PDZK1IP1: variants seen among roughly 807,000 people sequenced by gnomAD.
The protein encoded by PDZK1IP1 is PDZK1 interacting protein 1.
PDZK1IP1 carries 9 observed loss-of-function variants against 14.7 expected under a neutral mutation model. The ratio of observed to expected loss-of-function variants is 0.61; its 90% confidence interval spans 0.37 to 1.07. PDZK1IP1 has a LOEUF of 1.07. Ranked by LOEUF, PDZK1IP1 falls within the 50% of genes least tolerant of loss-of-function variation. The pLI, the probability that PDZK1IP1 is intolerant of heterozygous loss-of-function variation, is 0.01. For synonymous variants in PDZK1IP1, 70 were observed against 61.2 expected (o/e 1.14, Z -0.67); for missense variants, 152 against 148.7 (o/e 1.02, Z -0.11).
At position 47,189,879 on chromosome 1, in the gene PDZK1IP1, G is replaced by A. The variant is rs770205721; in HGVS notation, c.54C>T (p.Ala18=). 15 of 1,596,132 alleles carry A rather than the reference G, an allele frequency of 9.4e-6. No individual in the cohort carries two copies. Among genetic ancestry groups the A allele is most frequent in the Middle Eastern group, 1.7e-4 (1 of 5,888 alleles). The change falls in exon 1 of 4, where the codon GCC becomes GCT. Residue 18 remains alanine, a synonymous_variant. Transcript: ENST00000294338. ...CTCCTGAGCTACCTTGCTGACAGCT[G>A]GCAGGTGGCACTGCCGTGAGCAGGC... The part of the protein sequence containing the change: ...ILGLLTAVPP[A]SCQQGLGNLQ...
chr1:47,185,239 C>A, intron 2 of PDZK1IP1, 142 bp from the exon 3 acceptor site: 1 of 660,452 alleles, frequency 1.5e-6, no homozygotes, highest in South Asian at 1.8e-5. Context: ...ATGTCAGCCG[C>A]GGCTACTGGC....
At chr1:47,184,584 TA>T (rs1645307470) in intron 3 of PDZK1IP1, among the ~76,000 whole-genome samples, 1 of 17,166 alleles carries the variant, frequency 5.8e-5, no homozygotes, top group African/African-American at 2.1e-4. Context: ...ACTGAGTCCA[TA>T]CCCCACTGAG....
At chr1:47,184,627 G>GC (rs1645308027) in intron 3 of PDZK1IP1, among the ~76,000 whole-genome samples, 3 of 18,498 alleles carry the variant, frequency 1.6e-4, no homozygotes, top group African/African-American at 3.8e-4. Flanking sequence ...CCCCCACTGA[G>GC]TCCATACCCC....
In PDZK1IP1 at chr1:47,185,258, TG is replaced by T. The variant is rs1192151779; in HGVS notation, c.177-162del. The stretch of plus-strand genomic sequence containing the variant: ...CAGCCGCGGCTACTGGCCCCACCCA[TG>T]GGGTCTCTCACTTTCTCCCCACTCC... On this transcript the variant is annotated intron_variant, in intron 2 of 3. Transcript: ENST00000294338. The T allele has an allele frequency of 6.5e-6, 4 of 619,884 alleles. No individual in the cohort carries two copies. In the East Asian group the frequency reaches 1.1e-4, roughly 17 times the overall value. 38.4% of individuals were successfully genotyped at this position (619,884 alleles called of 1,614,324 possible). A position where few individuals can be genotyped will look rare whatever the true frequency, so the allele number is the denominator to read the frequency against.
chr1:47,189,177 C>A (rs1302388136), intron 1 of PDZK1IP1, among the ~76,000 whole-genome samples: 2 of 152,208 alleles, frequency 1.3e-5, no homozygotes, highest in Non-Finnish European at 2.9e-5. Context: ...CTGAAAGCAT[C>A]TTTGCCAGTC....
rs201145978 is a variant in PDZK1IP1 at position 47,185,096 on chromosome 1, C to T, written c.178G>A (p.Glu60Lys). 9.6e-5 allele frequency: 155 copies of T among 1,612,646 alleles called. 1 individual carries two copies. The highest frequency in any genetic ancestry group is 1.3e-4 in the Non-Finnish European group (149 of 1,179,580). ...VNHFWCQEEP[E>K]PAHMILTVGN... ...ACGGTCAGGATCATGTGTGCAGGCT[C>T]CCTGGGGATGGGATTCATCAGTGGG... The change falls in exon 3 of 4, where the codon GAG (glutamate) becomes AAG (lysine). Residue 60 changes from glutamate to lysine, a missense_variant and splice_region_variant. Physicochemically the swap from Glu to Lys is moderately conservative, Grantham distance 56 (BLOSUM62 1). Coordinates refer to ENST00000294338, the MANE Select transcript of PDZK1IP1 (RefSeq NM_005764.4).
At chr1:47,186,252 G>A (rs1446900574) in intron 2 of PDZK1IP1, among the ~76,000 whole-genome samples, 2 of 151,426 alleles carry the variant, frequency 1.3e-5, no homozygotes, top group Non-Finnish European at 2.9e-5. Flanking sequence ...AAGTTGCAGT[G>A]AGCCGAGATA....
At chr1:47,188,889 G>T (rs1299271634) in intron 1 of PDZK1IP1, among the ~76,000 whole-genome samples, 1 of 152,180 alleles carries the variant, frequency 6.6e-6, no homozygotes, top group East Asian at 1.9e-4. Context: ...GGGAGTTAGG[G>T]CTCAACCCTT....
At chr1:47,184,081 C>A in intron 3 of PDZK1IP1, 38 bp from the exon 4 acceptor site, 1 of 1,468,310 alleles carries the variant, frequency 6.8e-7, no homozygotes, top group South Asian at 1.2e-5. Flanking sequence ...GGTCATCGCT[C>A]CTCCCATTCT....
intron 2 of PDZK1IP1, among the ~76,000 whole-genome samples, chr1:47,186,031 C>G (rs932578864): frequency 1.4e-4 from 22 of 152,176 alleles, no homozygotes; most frequent in Admixed American, 1.4e-3. Context: ...CCACTGGAGG[C>G]AGGGCATGGT....
At chr1:47,188,827 G>T (rs771619059) in intron 1 of PDZK1IP1, among the ~76,000 whole-genome samples, 4 of 152,192 alleles carry the variant, frequency 2.6e-5, no homozygotes, top group East Asian at 1.9e-4. Context: ...GGGAGTCATT[G>T]TTTCCCTAGG....
At chr1:47,188,407 C>G (rs746967178) in intron 1 of PDZK1IP1, among the ~76,000 whole-genome samples, 1 of 152,234 alleles carries the variant, frequency 6.6e-6, no homozygotes, top group Non-Finnish European at 1.5e-5. Flanking sequence ...TTCCTCTTCC[C>G]CAGCATCACT....
At chr1:47,185,453 C>T (rs1164380230) in intron 2 of PDZK1IP1, 2 of 267,602 alleles carry the variant, frequency 7.5e-6, no homozygotes, top group Non-Finnish European at 1.4e-5. Flanking sequence ...GTTGGTGGCC[C>T]TTCAGGCAGA....
chr1:47,188,243 C>A (rs78880362), intron 1 of PDZK1IP1, among the ~76,000 whole-genome samples: 2,048 of 152,276 alleles, frequency 0.013, 41 homozygotes, highest in African/African-American at 0.047. Flanking sequence ...TGGGCTCAGG[C>A]GAGCCTCTGG....
At chr1:47,188,630 T>C (rs532209080) in intron 1 of PDZK1IP1, among the ~76,000 whole-genome samples, 1 of 152,286 alleles carries the variant, frequency 6.6e-6, no homozygotes, top group African/African-American at 2.4e-5. Flanking sequence ...CCTTTGAGTC[T>C]ACCAAAAGCT....
Position 47,185,030 on chromosome 1 carries a change from T to C in PDZK1IP1, c.244A>G (p.Arg82Gly). 1 of 1,613,378 alleles carries C rather than the reference T, an allele frequency of 6.2e-7. No homozygotes were observed. The highest frequency in any genetic ancestry group is 8.5e-7 in the Non-Finnish European group (1 of 1,179,880). Residue 82 changes from arginine (R) to glycine (G), a missense_variant, in exon 3 of 4, where the codon AGG becomes GGG. Transcript: ENST00000294338. ...ADGVLVGTDG[R>G]YSSMAASFRS... The stretch of plus-strand genomic sequence containing the variant: ...AAACTGGCCGCCATCGAAGAGTACC[T>C]TCCATCTGTTCCCACCAGGACTCCA...
In PDZK1IP1 at chr1:47,183,776, C is replaced by T. The variant is rs538175336; in HGVS notation, c.*195G>A. 3.4e-4 allele frequency: 212 copies of T among 614,612 alleles called. No individual in the cohort carries two copies. Among genetic ancestry groups the T allele is most frequent in the Non-Finnish European group, 5.3e-4 (184 of 344,918 alleles). The allele number at this position is 614,612 out of a possible 1,614,324, so 38.1% of individuals were successfully genotyped here. On this transcript the variant is annotated 3_prime_UTR_variant, in exon 4 of 4. Coordinates refer to ENST00000294338, the MANE Select transcript of PDZK1IP1 (RefSeq NM_005764.4). ...GAGCAGGAGACCCCAGGGCCACAGCCGAGCCCCAACCTAGACACGGTCTGA... is the reference window on the plus strand; with the variant it reads ...GAGCAGGAGACCCCAGGGCCACAGCTGAGCCCCAACCTAGACACGGTCTGA...
At chr1:47,189,412 A>G (rs978085825) in intron 1 of PDZK1IP1, among the ~76,000 whole-genome samples, 2 of 152,204 alleles carry the variant, frequency 1.3e-5, no homozygotes, top group Non-Finnish European at 2.9e-5. Context: ...TGATTTGCTC[A>G]AGGTCACACA....
At chr1:47,187,957 C>T (rs1645330346) in intron 1 of PDZK1IP1, among the ~76,000 whole-genome samples, 1 of 152,168 alleles carries the variant, frequency 6.6e-6, no homozygotes, top group African/African-American at 2.4e-5. Flanking sequence ...CTCAGGGCTG[C>T]TCAGCTGGGG....
Sources: gnomAD v4.1 joint callset for allele counts (sites outside exome capture counted in the v4.1 genomes callset) on GRCh38, gnomAD v4.1.1 for gene constraint, MANE v1.5 for transcripts, NCBI Gene and HGNC (gene_info 2026-07-23, HGNC 2026-07-21) for gene names.